The following FGGY variants were observed in gnomAD, a reference collection of about 807,000 sequenced individuals.
FGGY encodes the protein FGGY carbohydrate kinase domain-containing protein.
In FGGY, 72 loss-of-function variants were observed where a neutral mutation model predicts 71.3. The ratio of observed to expected loss-of-function variants is 1.01; its 90% CI spans 0.84 to 1.23. The LOEUF is 1.23. FGGY is among the 50% of genes most tolerant of loss of function. The probability of loss-of-function intolerance (pLI) is 0.00; values close to 1 mark genes in which losing one functional copy is unlikely to be tolerated. For synonymous variants in FGGY, 251 were observed against 250.3 expected (o/e 1.00, Z -0.02); for missense variants, 668 against 682.3 (o/e 0.98, Z 0.23).
At chr1:59,538,483 C>T (rs1331290050) in intron 7 of FGGY, among the ~76,000 whole-genome samples, 3 of 151,008 alleles carry the variant, frequency 2.0e-5, no homozygotes, top group Non-Finnish European at 4.4e-5. Flanking sequence ...ACCCAGCCAT[C>T]CCATTACTGG....
intron 14 of FGGY, among the ~76,000 whole-genome samples, chr1:59,749,925 T>A (rs2098231303): frequency 6.6e-6 from 1 of 152,232 alleles, no homozygotes; most frequent in Non-Finnish European, 1.5e-5. Context: ...TTTTAATCAC[T>A]GCCCTTTATT....
At chr1:59,400,331 T>G (rs2061794540) in intron 5 of FGGY, among the ~76,000 whole-genome samples, 1 of 152,178 alleles carries the variant, frequency 6.6e-6, no homozygotes, top group African/African-American at 2.4e-5. Context: ...GCTTACCACC[T>G]ACCTTAAAGA....
intron 5 of FGGY, among the ~76,000 whole-genome samples, chr1:59,398,031 CT>C (rs1156488973): frequency 2.0e-5 from 3 of 152,168 alleles, no homozygotes; most frequent in African/African-American, 7.2e-5. Flanking sequence ...AATTTTGTTT[CT>C]CCAGGACTTG....
intron 6 of FGGY, among the ~76,000 whole-genome samples, chr1:59,496,069 T>A (rs1306663492): frequency 6.6e-6 from 1 of 152,230 alleles, no homozygotes; most frequent in Admixed American, 6.5e-5. Flanking sequence ...TAAATTACTT[T>A]GGGCAGTATG....
chr1:59,322,511 A>T (rs193244657), intron 2 of FGGY, among the ~76,000 whole-genome samples: 27 of 152,126 alleles, frequency 1.8e-4, no homozygotes, highest in Non-Finnish European at 2.9e-4. Context: ...TCCGAGGTGC[A>T]CTCTTAACCA....
At chr1:59,692,467 ATGAAT>A (rs1375540504) in intron 14 of FGGY, among the ~76,000 whole-genome samples, 1 of 152,220 alleles carries the variant, frequency 6.6e-6, no homozygotes, top group African/African-American at 2.4e-5. Flanking sequence ...AGTGTCAGAG[ATGAAT>A]TGAACCAAAG....
At position 59,693,107 on chromosome 1, in the gene FGGY, C is replaced by T. The variant is rs559542535; in HGVS notation, c.1512+18974C>T. 2.6e-5 allele frequency among the ~76,000 whole-genome samples: 4 copies of T among 152,284 alleles called. No homozygotes were observed. The South Asian group carries it at 6.2e-4, about 24-fold the overall frequency. Reference sequence around the variant, plus strand: ...AGATAGATAATATTTGTGTAAGCATCGTCAGAAGGTTTAAATGGAATAAAA... The same window carrying T: ...AGATAGATAATATTTGTGTAAGCATTGTCAGAAGGTTTAAATGGAATAAAA... On this transcript the variant is annotated intron_variant, in intron 14 of 15. Coordinates refer to ENST00000303721, the MANE Select transcript of FGGY (RefSeq NM_018291.5).
At chr1:59,537,247 A>G (rs1268683040) in intron 7 of FGGY, among the ~76,000 whole-genome samples, 2 of 151,956 alleles carry the variant, frequency 1.3e-5, no homozygotes, top group African/African-American at 4.8e-5. Flanking sequence ...CCCATTCACA[A>G]TTGCTTCAAA....
intron 5 of FGGY, among the ~76,000 whole-genome samples, chr1:59,454,822 C>T (rs1441254649): frequency 6.6e-6 from 1 of 152,210 alleles, no homozygotes; most frequent in Non-Finnish European, 1.5e-5. Context: ...AGATATTTTG[C>T]ATACCACTGG....
chr1:59,709,836 G>A (rs1558869968), intron 14 of FGGY, among the ~76,000 whole-genome samples: 1 of 152,204 alleles, frequency 6.6e-6, no homozygotes, highest in Non-Finnish European at 1.5e-5. Context: ...ACCTATGGCT[G>A]ACAGGTGACT....
rs995559778 is a variant in FGGY, at chr1:59,750,759, G to A, written c.1513-7172G>A. Reference sequence around the variant, plus strand: ...ATTTCTTAATGCGTGTTGAAGGAAAGTCACATTGATATATTTTCTGTTTTT... The same window carrying A: ...ATTTCTTAATGCGTGTTGAAGGAAAATCACATTGATATATTTTCTGTTTTT... On this transcript the variant is annotated intron_variant, in intron 14 of 15. Transcript: ENST00000303721. Among the ~76,000 whole-genome samples the A allele has an allele frequency of 6.6e-5, 10 of 152,178 alleles. No individual in the cohort carries two copies. In the East Asian group the frequency reaches 1.9e-3, roughly 29 times the overall value.
chr1:59,300,851 G>A (rs369968383), intron 1 of FGGY, among the ~76,000 whole-genome samples: 369 of 152,226 alleles, frequency 2.4e-3, no homozygotes, highest in Admixed American at 5.8e-3. Flanking sequence ...ATTTTAATGC[G>A]AACACCACAT....
At chr1:59,490,479 G>A (rs1250438653) in intron 6 of FGGY, among the ~76,000 whole-genome samples, 6 of 152,134 alleles carry the variant, frequency 3.9e-5, no homozygotes, top group Non-Finnish European at 8.8e-5. Context: ...AATTTTCACT[G>A]TGTTGATTGT....
At chr1:59,342,484 A>C (rs1232068124) in intron 3 of FGGY, among the ~76,000 whole-genome samples, 1 of 152,172 alleles carries the variant, frequency 6.6e-6, no homozygotes, top group Non-Finnish European at 1.5e-5. Context: ...TAAGTGTTGA[A>C]ATAACTTTAT....
At chr1:59,541,112 TATTA>T (rs2095433586) in intron 7 of FGGY, among the ~76,000 whole-genome samples, 1 of 152,148 alleles carries the variant, frequency 6.6e-6, no homozygotes, top group Non-Finnish European at 1.5e-5. Context: ...TCAAACAATG[TATTA>T]GATAGAATTG....
intron 6 of FGGY, among the ~76,000 whole-genome samples, chr1:59,492,708 T>C (rs1440408371): frequency 6.6e-6 from 1 of 152,046 alleles, no homozygotes; most frequent in East Asian, 1.9e-4. Context: ...CCTCGAGTCT[T>C]TTGCCAAGTT....
intron 5 of FGGY, among the ~76,000 whole-genome samples, chr1:59,401,516 A>C (rs1367854803): frequency 2.0e-5 from 3 of 152,230 alleles, no homozygotes; most frequent in African/African-American, 7.2e-5. Flanking sequence ...TTTGGTGAAC[A>C]TTGTTGCCAT....
chr1:59,638,763 C>T (rs1480050029), intron 11 of FGGY, among the ~76,000 whole-genome samples: 1 of 152,244 alleles, frequency 6.6e-6, no homozygotes, highest in African/African-American at 2.4e-5. Flanking sequence ...GCCACAGCCA[C>T]ACATCTGCCT....
intron 13 of FGGY, among the ~76,000 whole-genome samples, chr1:59,671,637 A>T (rs779885068): frequency 2.0e-5 from 3 of 152,236 alleles, no homozygotes; most frequent in Non-Finnish European, 4.4e-5. Flanking sequence ...GAAGTAAGGT[A>T]AACTTTAAGA....
Sources: allele counts gnomAD v4.1 joint callset (sites outside exome capture counted in the v4.1 genomes callset), GRCh38; gene constraint gnomAD v4.1.1; transcripts MANE v1.5; gene names NCBI Gene and HGNC (gene_info 2026-07-23, HGNC 2026-07-21).